Variants in CCBE1 observed in about 807,000 individuals in gnomAD.
CCBE1 encodes the protein collagen and calcium binding EGF domains 1.
CCBE1 carries 37 observed loss-of-function variants against 50.0 expected under a neutral mutation model. The ratio of observed to expected loss-of-function variants is 0.74; its 90% CI spans 0.57 to 0.97. The LOEUF is 0.97. Ranked by LOEUF, CCBE1 falls within the 50% of genes least tolerant of loss-of-function variation. CCBE1 has a pLI of 0.00. For synonymous variants in CCBE1, 234 were observed against 203.7 expected, an observed-to-expected ratio of 1.15 and a Z score of -1.27; for missense variants, 538 against 523.8, an observed-to-expected ratio of 1.03 and a Z score of -0.26.
intron 5 of CCBE1, among the ~76,000 whole-genome samples, chr18:59,461,768 T>C (rs1911493367): frequency 7.5e-6 from 1 of 133,770 alleles, no homozygotes; most frequent in Non-Finnish European, 1.6e-5. Context: ...AGTTTCGCCC[T>C]TGTTGCCCAA....
At chr18:59,443,866 G>T (rs548503233) in intron 7 of CCBE1, among the ~76,000 whole-genome samples, 13 of 152,076 alleles carry the variant, frequency 8.5e-5, no homozygotes, top group Non-Finnish European at 7.4e-5. Context: ...CTGTAAAACA[G>T]AAACTCTAGA....
At chr18:59,519,403 ATGAT>A (rs1349399345) in intron 2 of CCBE1, among the ~76,000 whole-genome samples, 1 of 152,196 alleles carries the variant, frequency 6.6e-6, no homozygotes, top group African/African-American at 2.4e-5. Flanking sequence ...AAATATGAGA[ATGAT>A]TGAGCCCTCT....
upstream of CCBE1, chr18:59,697,442 C>T: frequency 6.8e-7 from 1 of 1,462,486 alleles, no homozygotes; most frequent in Non-Finnish European, 9.1e-7. Flanking sequence ...CGGCAGGGGG[C>T]GCCGGAGAGC....
At chr18:59,556,402 T>C (rs1160162209) in intron 2 of CCBE1, among the ~76,000 whole-genome samples, 1 of 152,166 alleles carries the variant, frequency 6.6e-6, no homozygotes, top group Admixed American at 6.5e-5. Flanking sequence ...GAAAGTGACC[T>C]GCAGTAACAT....
intron 2 of CCBE1, among the ~76,000 whole-genome samples, chr18:59,611,239 G>A (rs988928538): frequency 3.9e-5 from 6 of 152,300 alleles, no homozygotes; most frequent in South Asian, 2.1e-4. Context: ...CCTTGCTTCC[G>A]AGTAAGAGCT....
chr18:59,473,488 A>G (rs1048163426), intron 3 of CCBE1, among the ~76,000 whole-genome samples: 10 of 152,154 alleles, frequency 6.6e-5, no homozygotes, highest in African/African-American at 1.2e-4. Flanking sequence ...TTTTTGAATT[A>G]TATCTTTAAG....
intron 7 of CCBE1, among the ~76,000 whole-genome samples, chr18:59,445,612 G>A (rs534418920): frequency 1.1e-4 from 16 of 152,192 alleles, no homozygotes; most frequent in South Asian, 2.1e-4. Flanking sequence ...GAATAATTAC[G>A]CCAAAGTTAA....
intron 2 of CCBE1, among the ~76,000 whole-genome samples, chr18:59,496,261 A>G (rs1390737084): frequency 6.6e-6 from 1 of 152,144 alleles, no homozygotes; most frequent in Non-Finnish European, 1.5e-5. Flanking sequence ...TTGACCATGA[A>G]CACCTAGAAG....
intron 2 of CCBE1, among the ~76,000 whole-genome samples, chr18:59,496,527 A>G (rs1222702879): frequency 6.6e-6 from 1 of 152,250 alleles, no homozygotes; most frequent in East Asian, 1.9e-4. Flanking sequence ...GACAGACTCA[A>G]AACAGTGCCT....
At chr18:59,542,767 C>T (rs1426136951) in intron 2 of CCBE1, among the ~76,000 whole-genome samples, 1 of 152,064 alleles carries the variant, frequency 6.6e-6, no homozygotes, top group Non-Finnish European at 1.5e-5. Context: ...CTTTCCTCCC[C>T]GCAGGCAGTA....
chr18:59,543,004 A>G (rs1461016598), intron 2 of CCBE1, among the ~76,000 whole-genome samples: 1 of 152,224 alleles, frequency 6.6e-6, no homozygotes, highest in South Asian at 2.1e-4. Context: ...CTTTTTAAAA[A>G]TTCTTAAAAA....
At chr18:59,677,206 C>T (rs949756171) in intron 2 of CCBE1, among the ~76,000 whole-genome samples, 1 of 152,080 alleles carries the variant, frequency 6.6e-6, no homozygotes, top group East Asian at 1.9e-4. Context: ...AGGATGATGT[C>T]GTGGAGAGAG....
intron 2 of CCBE1, among the ~76,000 whole-genome samples, chr18:59,512,829 G>A (rs1244185685): frequency 5.3e-5 from 8 of 152,206 alleles, no homozygotes; most frequent in Admixed American, 4.6e-4. Flanking sequence ...TCACTGGAGG[G>A]TGAAGATGTG....
intron 10 of CCBE1, among the ~76,000 whole-genome samples, 153 bp from the exon 11 acceptor site, chr18:59,436,294 G>A (rs1030127317): frequency 8.6e-5 from 13 of 151,994 alleles, no homozygotes; most frequent in Non-Finnish European, 1.5e-4. Context: ...GGAGCCTGGG[G>A]GTCCTCCATA....
chr18:59,586,955 A>G lies in CCBE1; in HGVS notation c.213-106717T>C, dbSNP rs147711318. 1.8e-3 allele frequency among the ~76,000 whole-genome samples: 281 copies of G among 152,334 alleles called. 2 individuals are homozygous for G. Among genetic ancestry groups the G allele is most frequent in the African/African-American group, 6.4e-3 (267 of 41,576 alleles). On this transcript the variant is annotated intron_variant, in intron 2 of 10. Coordinates refer to ENST00000439986, the MANE Select transcript of CCBE1 (RefSeq NM_133459.4). ...CTTTCCATGAGTCTGGAGATCAGAA[A>G]AAACAGAGGGCAGATATGAAACAGA...
At chr18:59,571,341 G>A (rs1268287277) in intron 2 of CCBE1, among the ~76,000 whole-genome samples, 2 of 151,998 alleles carry the variant, frequency 1.3e-5, no homozygotes, top group African/African-American at 4.8e-5. Flanking sequence ...CATGGATGAA[G>A]CTGGAAACCA....
In CCBE1 at chr18:59,610,637, C is replaced by T. The variant is rs538973900; in HGVS notation, c.212+85992G>A. On this transcript the variant is annotated intron_variant, in intron 2 of 10. Transcript: ENST00000439986. The stretch of plus-strand genomic sequence containing the variant: ...CATCTCACACACCTTGCATATCTGG[C>T]CTTGTCTGACCTGTTTTCCAACAGG... Among the ~76,000 whole-genome samples the T allele has an allele frequency of 1.5e-4, 23 of 152,324 alleles. 1 individual carries two copies. The South Asian group carries it at 3.7e-3, about 25-fold the overall frequency.
intron 2 of CCBE1, among the ~76,000 whole-genome samples, chr18:59,551,778 G>A (rs910499385): frequency 6.6e-6 from 1 of 152,188 alleles, no homozygotes; most frequent in African/African-American, 2.4e-5. Flanking sequence ...AAGTCAGAAA[G>A]ACTTACTTAG....
intron 2 of CCBE1, among the ~76,000 whole-genome samples, chr18:59,581,752 T>C (rs905416794): frequency 1.3e-5 from 2 of 152,206 alleles, no homozygotes; most frequent in African/African-American, 4.8e-5. Context: ...CTAAGCACTG[T>C]AGGATGGTTA....
Sources: gnomAD v4.1 joint callset for allele counts (sites outside exome capture counted in the v4.1 genomes callset) on GRCh38, gnomAD v4.1.1 for gene constraint, MANE v1.5 for transcripts, NCBI Gene and HGNC (gene_info 2026-07-23, HGNC 2026-07-21) for gene names.